Variants in SGMS1 observed in about 807,000 individuals in gnomAD.
SGMS1 encodes the protein sphingomyelin synthase 1, also known as phosphatidylcholine:ceramide cholinephosphotransferase 1.
SGMS1 carries 13 observed loss-of-function variants against 46.2 expected under a neutral mutation model. The ratio of observed to expected loss-of-function variants is 0.28; its 90% CI spans 0.18 to 0.45. SGMS1 has a LOEUF of 0.45. Among genes scored for constraint, SGMS1 ranks in the 20% least tolerant of loss-of-function variants. The pLI, the probability that SGMS1 is intolerant of heterozygous loss-of-function variation, is 1.00. For synonymous variants in SGMS1, 203 were observed against 187.8 expected (o/e 1.08, Z -0.66); for missense variants, 324 against 519.9 (o/e 0.62, Z 3.66).
chr10:50,566,694 A>C (rs1213588946), intron 2 of SGMS1, among the ~76,000 whole-genome samples: 1 of 152,260 alleles, frequency 6.6e-6, no homozygotes, highest in Non-Finnish European at 1.5e-5. Flanking sequence ...TTTTGTGAGC[A>C]TTCTGAGTTA....
intron 7 of SGMS1, among the ~76,000 whole-genome samples, chr10:50,332,404 T>C (rs1469169097): frequency 6.6e-6 from 1 of 152,036 alleles, no homozygotes; most frequent in Non-Finnish European, 1.5e-5. Context: ...CTCTATCCTA[T>C]CCTTCTATTT....
chr10:50,594,957 A>G (rs1298766988), intron 1 of SGMS1, among the ~76,000 whole-genome samples: 1 of 152,192 alleles, frequency 6.6e-6, no homozygotes, highest in Non-Finnish European at 1.5e-5. Context: ...AGGTACAGGA[A>G]GGAATTCAGT....
chr10:50,344,292 G>C lies in SGMS1; in HGVS notation c.-178C>G. 1 of 646,900 alleles carries C rather than the reference G, an allele frequency of 1.5e-6. No individual in the cohort carries two copies. Among genetic ancestry groups the C allele is most frequent in the Admixed American group, 3.3e-5 (1 of 30,424 alleles). 40.1% of individuals were successfully genotyped at this position (646,900 alleles called of 1,614,324 possible). ...TAAACACCTCATGTAGCTGTCCAGG[G>C]TTCCTGAGCGCCCAAGTATTAATTC... On this transcript the variant is annotated 5_prime_UTR_variant, in exon 7 of 11. Coordinates refer to ENST00000361781, the MANE Select transcript of SGMS1 (RefSeq NM_147156.4).
chr10:50,457,996 C>T (rs1371637136), intron 5 of SGMS1, among the ~76,000 whole-genome samples: 1 of 152,186 alleles, frequency 6.6e-6, no homozygotes, highest in Admixed American at 6.5e-5. Flanking sequence ...CTGCTAGCAG[C>T]ATGGTAAGCA....
chr10:50,540,330 C>T (rs531128508), intron 2 of SGMS1, among the ~76,000 whole-genome samples: 2 of 151,952 alleles, frequency 1.3e-5, no homozygotes, highest in Non-Finnish European at 2.9e-5. Flanking sequence ...GCTCGTCTGG[C>T]AGGTAAAAAA....
chr10:50,359,921 G>C (rs1045102421), intron 6 of SGMS1, among the ~76,000 whole-genome samples: 1 of 151,800 alleles, frequency 6.6e-6, no homozygotes, highest in Non-Finnish European at 1.5e-5. Flanking sequence ...CTTACCTCTG[G>C]GTAATAGAAT....
intron 3 of SGMS1, among the ~76,000 whole-genome samples, chr10:50,507,028 C>G (rs1837712875): frequency 6.6e-6 from 1 of 152,180 alleles, no homozygotes; most frequent in African/African-American, 2.4e-5. Flanking sequence ...GAATGGGAAA[C>G]ACACAGCTGC....
intron 6 of SGMS1, among the ~76,000 whole-genome samples, chr10:50,415,912 G>A (rs1174468314): frequency 6.6e-6 from 1 of 152,160 alleles, no homozygotes; most frequent in Non-Finnish European, 1.5e-5. Flanking sequence ...AGCCTGAATA[G>A]CACTTGTGAC....
At chr10:50,548,940 A>G (rs115936300) in intron 2 of SGMS1, among the ~76,000 whole-genome samples, 1,750 of 152,268 alleles carry the variant, frequency 0.011, 29 homozygotes, top group African/African-American at 0.04. Flanking sequence ...AACTAACAGG[A>G]AAAAAAGCTT....
chr10:50,378,753 T>C (rs1057161850), intron 6 of SGMS1, among the ~76,000 whole-genome samples: 1 of 152,200 alleles, frequency 6.6e-6, no homozygotes, highest in Non-Finnish European at 1.5e-5. Context: ...GTCTAGTGAA[T>C]AGGAGTACTT....
intron 6 of SGMS1, among the ~76,000 whole-genome samples, chr10:50,429,710 C>T (rs1454711946): frequency 8.6e-5 from 1 of 11,676 alleles, no homozygotes; most frequent in African/African-American, 2.2e-4. Context: ...CACACACACA[C>T]ACACACACAC....
chr10:50,392,661 C>T (rs1471131577), intron 6 of SGMS1, among the ~76,000 whole-genome samples: 1 of 152,116 alleles, frequency 6.6e-6, no homozygotes, highest in East Asian at 1.9e-4. Context: ...ATTTCAGAAA[C>T]AAGAGAAAGA....
At chr10:50,461,744 C>G (rs911242206) in intron 4 of SGMS1, among the ~76,000 whole-genome samples, 3 of 152,102 alleles carry the variant, frequency 2.0e-5, no homozygotes, top group African/African-American at 7.2e-5. Flanking sequence ...TACCTTGAGC[C>G]AACTAACAGG....
intron 2 of SGMS1, among the ~76,000 whole-genome samples, chr10:50,563,106 C>A (rs1174104367): frequency 6.6e-6 from 1 of 152,198 alleles, no homozygotes; most frequent in Non-Finnish European, 1.5e-5. Flanking sequence ...CATTAACGAA[C>A]TAGTAAGTAG....
chr10:50,515,128 A>G (rs1486365823), intron 3 of SGMS1, among the ~76,000 whole-genome samples: 1 of 152,214 alleles, frequency 6.6e-6, no homozygotes, highest in Non-Finnish European at 1.5e-5. Context: ...AATGTTACAA[A>G]TGGCCAAGTG....
chr10:50,389,032 T>C (rs984654635), intron 6 of SGMS1, among the ~76,000 whole-genome samples: 2 of 152,208 alleles, frequency 1.3e-5, no homozygotes, highest in Non-Finnish European at 2.9e-5. Flanking sequence ...GAGTAACATA[T>C]GAAATGATAG....
rs371297318 is a variant in SGMS1, at chr10:50,326,568, C to T, written c.741+637G>A. ...ATAAATATTTTAACAATAAAATCTGCTAATTATTTCACAGAGTTCCAACGA... is the reference window on the plus strand; with the variant it reads ...ATAAATATTTTAACAATAAAATCTGTTAATTATTTCACAGAGTTCCAACGA... On this transcript the variant is annotated intron_variant, in intron 8 of 10. Transcript: ENST00000361781. Among the ~76,000 whole-genome samples, 13 of 152,244 alleles carry T rather than the reference C, an allele frequency of 8.5e-5. No homozygotes were observed. The East Asian group carries it at 2.5e-3, about 29-fold the overall frequency.
chr10:50,495,021 GC>G (rs1372684283), intron 3 of SGMS1, among the ~76,000 whole-genome samples: 1 of 143,768 alleles, frequency 7.0e-6, no homozygotes, highest in Non-Finnish European at 1.5e-5. Flanking sequence ...GGGCGACAGA[GC>G]GAGACTCCGT....
chr10:50,477,154 G>T (rs1443567960), intron 3 of SGMS1, among the ~76,000 whole-genome samples: 1 of 152,252 alleles, frequency 6.6e-6, no homozygotes, highest in Non-Finnish European at 1.5e-5. Flanking sequence ...TGAGGGCTGA[G>T]CCCTGCAGAG....
Sources: allele counts gnomAD v4.1 joint callset (sites outside exome capture counted in the v4.1 genomes callset), GRCh38; gene constraint gnomAD v4.1.1; transcripts MANE v1.5; gene names NCBI Gene and HGNC (gene_info 2026-07-23, HGNC 2026-07-21).